The following B3GNT2 variants were observed in gnomAD, a reference collection of about 807,000 sequenced individuals.
The protein encoded by B3GNT2 is N-acetyllactosaminide beta-1,3-N-acetylglucosaminyltransferase 2.
A neutral mutation model predicts 27.6 loss-of-function variants in B3GNT2; 12 were observed. That is an observed-to-expected ratio of 0.44 (90% confidence interval 0.28 to 0.71). The LOEUF is 0.71. Among genes scored for constraint, B3GNT2 ranks in the 30% least tolerant of loss-of-function variants. The pLI, the probability that B3GNT2 is intolerant of heterozygous loss-of-function variation, is 0.17. For synonymous variants in B3GNT2, 192 were observed against 189.7 expected, an observed-to-expected ratio of 1.01 and a Z score of -0.10; for missense variants, 413 against 488.5, an observed-to-expected ratio of 0.85 and a Z score of 1.46.
intron 1 of B3GNT2, among the ~76,000 whole-genome samples, chr2:62,205,232 T>C (rs1674348792): frequency 1.3e-5 from 2 of 152,246 alleles, no homozygotes; most frequent in African/African-American, 4.8e-5. Context: ...AGCAGTTCAA[T>C]AGTGCCCACA....
At chr2:62,216,576 T>A (rs1036037359) in intron 1 of B3GNT2, among the ~76,000 whole-genome samples, 20 of 152,058 alleles carry the variant, frequency 1.3e-4, no homozygotes, top group African/African-American at 4.8e-4. Context: ...CAGCTAATTT[T>A]TTTTTAATGT....
Position 62,222,792 on chromosome 2 carries a change from A to T in B3GNT2, c.572A>T (p.His191Leu). The change falls in exon 2 of 2, where the codon CAC becomes CTC. Residue 191 changes from histidine (H) to leucine (L), a missense_variant. By Grantham distance (99) the His-to-Leu change is moderately conservative. Transcript: ENST00000301998. The surrounding 1 kb of genome is among the most constrained non-coding windows in gnomAD (Gnocchi z 4.2). ...LLGQTPPEDN[H>L]PDLSDMLKFE... Reference sequence around the variant, plus strand: ...GGCCAGACACCCCCAGAGGACAACCACCCCGACCTTTCAGATATGCTGAAA... The same window carrying T: ...GGCCAGACACCCCCAGAGGACAACCTCCCCGACCTTTCAGATATGCTGAAA... The T allele has an allele frequency of 6.2e-7, 1 of 1,614,088 alleles. No individual in the cohort carries two copies. The highest frequency in any genetic ancestry group is 1.3e-5 in the African/African-American group (1 of 75,006).
chr2:62,221,852 T>C (rs755011768), intron 1 of B3GNT2: 14 of 527,496 alleles, frequency 2.7e-5, no homozygotes, highest in Non-Finnish European at 5.2e-5. Context: ...AGTTGAACTC[T>C]CCTGAGGTTA....
chr2:62,223,442 A>G lies in B3GNT2; in HGVS notation c.*28A>G. On this transcript the variant is annotated 3_prime_UTR_variant, in exon 2 of 2. Transcript: ENST00000301998. ...TAGATACAAACTCAATTTTGCATAG[A>G]AAGGTGTATTTTGAATAGTTCCCAT... 1 of 1,535,652 alleles carries G rather than the reference A, an allele frequency of 6.5e-7. No individual in the cohort carries two copies.
At position 62,223,973 on chromosome 2, in the gene B3GNT2, T is replaced by C. The variant is rs1674775929; in HGVS notation, c.*559T>C. 1 of 167,258 alleles carries C rather than the reference T, an allele frequency of 6.0e-6. No homozygotes were observed. The highest frequency in any genetic ancestry group is 1.5e-5 in the Non-Finnish European group (1 of 68,320). The allele number at this position is 167,258 out of a possible 1,614,324, so 10.4% of individuals were successfully genotyped here. A position where few individuals can be genotyped will look rare whatever the true frequency, so the allele number is the denominator to read the frequency against. On this transcript the variant is annotated 3_prime_UTR_variant, in exon 2 of 2. Coordinates refer to ENST00000301998, the MANE Select transcript of B3GNT2 (RefSeq NM_006577.6). ...GAAATTTCCTGCCACCCCAACAGTA[T>C]TTTTGTGTGTTAATTAATTTTGCAA...
At chr2:62,198,474 A>C (rs1674198769) in intron 1 of B3GNT2, among the ~76,000 whole-genome samples, 1 of 152,232 alleles carries the variant, frequency 6.6e-6, no homozygotes, top group Admixed American at 6.5e-5. Context: ...CTTACCAAAA[A>C]CAGTAACCCT....
intron 1 of B3GNT2, among the ~76,000 whole-genome samples, chr2:62,213,501 G>A (rs2104201981): frequency 6.6e-6 from 1 of 152,262 alleles, no homozygotes; most frequent in Middle Eastern, 3.4e-3. Context: ...GTCTGCTGCG[G>A]AAGAAGATGG....
chr2:62,222,440 C>A lies in B3GNT2; in HGVS notation c.220C>A (p.Leu74Met). Residue 74 changes from leucine to methionine, a missense_variant, in exon 2 of 2, where the codon CTG (leucine) becomes ATG (methionine). Transcript: ENST00000301998. This position sits in a 1 kb window ranked among gnomAD's most constrained non-coding sequence, Gnocchi z 4.2. ...EKLNRQYNPI[L>M]SMLTNQTGEA... ...GCTGAACCGGCAGTACAACCCCATC[C>A]TGAGCATGCTGACCAACCAGACGGG... 4 of 1,614,152 alleles carry A rather than the reference C, an allele frequency of 2.5e-6. No homozygotes were observed. The highest frequency in any genetic ancestry group is 3.4e-6 in the Non-Finnish European group (4 of 1,180,038).
rs1674706355 is a variant in B3GNT2, at chr2:62,222,050, G to A, written c.-9-162G>A. Among the ~76,000 whole-genome samples, 1 of 152,180 alleles carries A rather than the reference G, an allele frequency of 6.6e-6. No homozygotes were observed. The highest frequency in any genetic ancestry group is 6.5e-5 in the Admixed American group (1 of 15,282). On this transcript the variant is annotated intron_variant, in intron 1 of 1. Transcript: ENST00000301998. This position sits in a 1 kb window ranked among gnomAD's most constrained non-coding sequence, Gnocchi z 4.2. The stretch of plus-strand genomic sequence containing the variant: ...GACAGGGACTATCCCACTTGCCCAT[G>A]ATCACAAAGCTAGAAAGGAAGGGCC...
At chr2:62,208,240 C>T (rs537526565) in intron 1 of B3GNT2, among the ~76,000 whole-genome samples, 3 of 133,594 alleles carry the variant, frequency 2.2e-5, no homozygotes, top group African/African-American at 5.5e-5. Flanking sequence ...TCCTTCCCCC[C>T]CAATCTCTAC....
At chr2:62,198,703 GT>G (rs1477264627) in intron 1 of B3GNT2, among the ~76,000 whole-genome samples, 1 of 152,182 alleles carries the variant, frequency 6.6e-6, no homozygotes, top group Non-Finnish European at 1.5e-5. Flanking sequence ...GAAAAGTCAT[GT>G]TTTAGGTTTC....
intron 1 of B3GNT2, among the ~76,000 whole-genome samples, chr2:62,216,765 G>C (rs547055139): frequency 2.0e-5 from 3 of 152,070 alleles, no homozygotes; most frequent in African/African-American, 4.8e-5. Flanking sequence ...GAAAACCATG[G>C]TTTTGCATGG....
chr2:62,200,536 TA>T (rs969831648), intron 1 of B3GNT2, among the ~76,000 whole-genome samples: 8 of 152,212 alleles, frequency 5.3e-5, no homozygotes, highest in Non-Finnish European at 2.9e-5. Flanking sequence ...GTTAAGAGCA[TA>T]AACTTGGAGT....
intron 1 of B3GNT2, among the ~76,000 whole-genome samples, chr2:62,203,617 G>C (rs1428141568): frequency 2.6e-5 from 4 of 152,110 alleles, no homozygotes; most frequent in South Asian, 2.1e-4. Context: ...AGGTGAGGGG[G>C]ATTGGGAGGG....
intron 1 of B3GNT2, among the ~76,000 whole-genome samples, chr2:62,211,364 C>T (rs563829271): frequency 6.6e-6 from 1 of 152,078 alleles, no homozygotes; most frequent in East Asian, 1.9e-4. Context: ...CCCCCCGTCC[C>T]CCCCAAAAAA....
chr2:62,211,359 C>T (rs952698892), intron 1 of B3GNT2, among the ~76,000 whole-genome samples: 8 of 151,744 alleles, frequency 5.3e-5, no homozygotes, highest in Admixed American at 1.3e-4. Context: ...CTGTCCCCCC[C>T]GTCCCCCCCA....
At chr2:62,216,548 G>A (rs1425126816) in intron 1 of B3GNT2, among the ~76,000 whole-genome samples, 3 of 152,092 alleles carry the variant, frequency 2.0e-5, no homozygotes, top group Admixed American at 6.5e-5. Context: ...TGGGACCACA[G>A]GTGCATGCCA....
intron 1 of B3GNT2, among the ~76,000 whole-genome samples, chr2:62,202,707 T>G (rs1404287635): frequency 6.6e-6 from 1 of 152,172 alleles, no homozygotes; most frequent in African/African-American, 2.4e-5. Flanking sequence ...CCTACCAGTT[T>G]CTCTCAGAAA....
In B3GNT2 at chr2:62,222,532, G is replaced by A. The variant is rs751137645; in HGVS notation, c.312G>A (p.Ser104=). ...GCGAACCTGACCTGAGGGTCACGTC[G>A]GTGGTTACGGGTTTTAACAACTTGC... ...NYCEPDLRVT[S]VVTGFNNLPD... Residue 104 remains serine, a synonymous_variant, in exon 2 of 2, where the codon TCG becomes TCA. Transcript: ENST00000301998. The surrounding 1 kb of genome is among the most constrained non-coding windows in gnomAD (Gnocchi z 4.2). The A allele has an allele frequency of 7.4e-6, 12 of 1,614,046 alleles. No individual in the cohort carries two copies. Among genetic ancestry groups the A allele is most frequent in the Middle Eastern group, 1.6e-4 (1 of 6,084 alleles).
Sources: allele counts gnomAD v4.1 joint callset (sites outside exome capture counted in the v4.1 genomes callset), GRCh38; gene constraint gnomAD v4.1.1; non-coding constraint Gnocchi (gnomAD v3.1); transcripts MANE v1.5; gene names NCBI Gene and HGNC (gene_info 2026-07-23, HGNC 2026-07-21).